ATP1A3: variants seen among roughly 807,000 people sequenced by gnomAD.
The protein encoded by ATP1A3 is ATPase Na+/K+ transporting subunit alpha 3.
Under a neutral mutation model 108.8 loss-of-function variants are expected in ATP1A3, and 12 were observed. The observed-to-expected ratio is 0.11, with a 90% CI of 0.07 to 0.18. The LOEUF (loss-of-function observed/expected upper bound fraction) is 0.18, where lower values mean the gene tolerates loss of function less well. Among genes scored for constraint, ATP1A3 ranks in the 10% least tolerant of loss-of-function variants. The pLI is 1.00. For missense variants in ATP1A3, 498 were observed against 1,387.7 expected (o/e 0.36, Z 10.19); for synonymous variants, 539 against 564.5 (o/e 0.95, Z 0.64).
Position 41,981,406 on chromosome 19 carries a change from T to C in ATP1A3, c.1437+96A>G, listed in dbSNP as rs137871464. On this transcript the variant is annotated intron_variant, in intron 11 of 22. Transcript: ENST00000648268. The surrounding 1 kb of genome is among the most constrained non-coding windows in gnomAD (Gnocchi z 5.0). The stretch of plus-strand genomic sequence containing the variant: ...ACCAGGCGGGTATTATCATTCCCAT[T>C]TTACAGACGGGAAAATCAAGGCTCT... 3.4e-4 allele frequency: 544 copies of C among 1,585,512 alleles called. 5 individuals carry two copies. In the African/African-American group the frequency reaches 6.6e-3, roughly 19 times the overall value.
rs782302598 is a variant in ATP1A3, at chr19:41,978,091, A to G, written c.1807-19T>C. 95 of 1,614,042 alleles carry G rather than the reference A, an allele frequency of 5.9e-5. No homozygotes were observed. Among genetic ancestry groups the G allele is most frequent in the Non-Finnish European group, 7.7e-5 (91 of 1,180,038 alleles). On this transcript the variant is annotated intron_variant, in intron 13 of 22. Transcript: ENST00000648268. This position sits in a 1 kb window ranked among gnomAD's most constrained non-coding sequence, Gnocchi z 8.3. ...TGATGACCTGCAGGCATTGTTTTTTAGGGATGGCCTCTCCCGCCCCACGCC... is the reference window on the plus strand; with the variant it reads ...TGATGACCTGCAGGCATTGTTTTTTGGGGATGGCCTCTCCCGCCCCACGCC...
Position 41,966,789 on chromosome 19 carries a change from G to A in ATP1A3, c.*148C>T, listed in dbSNP as rs1328445620. 37 of 1,526,204 alleles carry A rather than the reference G, an allele frequency of 2.4e-5. No individual in the cohort carries two copies. In the African/African-American group the frequency reaches 3.2e-4, roughly 13 times the overall value. The allele number at this position is 1,526,204 out of a possible 1,614,324, so 94.5% of individuals were successfully genotyped here. A position where few individuals can be genotyped will look rare whatever the true frequency, so the allele number is the denominator to read the frequency against. On this transcript the variant is annotated 3_prime_UTR_variant, in exon 23 of 23. Transcript: ENST00000648268. ...GAGAGAAGCCAGCCAGAGTGGGGGC[G>A]GCAGGAGATAGTGGAGGGGGTGGGG... is the stretch of plus-strand genomic sequence containing the variant.
chr19:41,979,159 C>T (rs1214312805), intron 11 of ATP1A3, among the ~76,000 whole-genome samples: 1 of 151,888 alleles, frequency 6.6e-6, no homozygotes, highest in Non-Finnish European at 1.5e-5. Context: ...ACCACCACCA[C>T]ACCCAGCTAA....
At chr19:41,970,680 G>A in intron 16 of ATP1A3, 138 bp from the exon 17 acceptor site, 2 of 1,047,036 alleles carry the variant, frequency 1.9e-6, no homozygotes, top group Non-Finnish European at 1.3e-6. Context: ...TGCCCAGGCT[G>A]GAGTGCAGTG....
chr19:41,978,728 C>T lies in ATP1A3; in HGVS notation c.1508G>A (p.Arg503His). 5 of 1,614,052 alleles carry T rather than the reference C, an allele frequency of 3.1e-6. No individual in the cohort carries two copies. Among genetic ancestry groups the T allele is most frequent in the South Asian group, 2.2e-5 (2 of 91,086 alleles). Residue 503 changes from arginine to histidine, a missense_variant, in exon 12 of 23, where the codon CGC becomes CAC. This residue lies in a region of ATP1A3 where 92 missense variants were observed against 168.7 expected (regional missense o/e 0.55). Transcript: ENST00000648268. This position sits in a 1 kb window ranked among gnomAD's most constrained non-coding sequence, Gnocchi z 8.3. ...GATGGTGGAGCAGCGGTCCAGGATG[C>T]GCTCGGGGGCACCCTTCATCACCAG... ...YLLVMKGAPE[R>H]ILDRCSTILL...
chr19:41,967,016 A>G lies in ATP1A3; in HGVS notation c.3014-51T>C. The G allele has an allele frequency of 6.4e-7, 1 of 1,551,628 alleles. No individual in the cohort carries two copies. Among genetic ancestry groups the G allele is most frequent in the Middle Eastern group, 1.7e-4 (1 of 5,992 alleles). ...GAGACAGAGTAAGAGATGGAGAGAG[A>G]CAGGCAAGGCGAGCCGCCCAGCAGA... On this transcript the variant is annotated intron_variant, in intron 22 of 22. Coordinates refer to ENST00000648268, the MANE Select transcript of ATP1A3 (RefSeq NM_152296.5). The surrounding 1 kb of genome is among the most constrained non-coding windows in gnomAD (Gnocchi z 4.2).
chr19:41,988,528 T>C lies in ATP1A3; in HGVS notation c.41A>G (p.Asn14Ser), dbSNP rs2075307222. Residue 14 changes from asparagine (N) to serine (S), a missense_variant, in exon 2 of 23, where the codon AAC becomes AGC. By Grantham distance (46) the Asn-to-Ser change is conservative. Around this residue, in one of 9 missense-constraint regions of ATP1A3, gnomAD observed 41 missense variants for 59.7 expected, o/e 0.69. Transcript: ENST00000648268. The surrounding 1 kb of genome is among the most constrained non-coding windows in gnomAD (Gnocchi z 5.3). ...CAGGTCCCGGCGCTCCTTGCCCTTGTTCTTCTTGGGTGAGTCCTTGTCATC... is the reference window on the plus strand; with the variant it reads ...CAGGTCCCGGCGCTCCTTGCCCTTGCTCTTCTTGGGTGAGTCCTTGTCATC... ...KKDDKDSPKK[N>S]KGKERRDLDD... The C allele has an allele frequency of 1.2e-6, 2 of 1,614,054 alleles. No individual in the cohort carries two copies. The highest frequency in any genetic ancestry group is 8.5e-7 in the Non-Finnish European group (1 of 1,180,046).
chr19:41,980,168 A>G (rs1285782565), intron 11 of ATP1A3, among the ~76,000 whole-genome samples: 6 of 152,168 alleles, frequency 3.9e-5, no homozygotes, highest in African/African-American at 1.4e-4. Flanking sequence ...CACCACAACC[A>G]CTACGATTAC....
At position 41,978,344 on chromosome 19, in the gene ATP1A3, T is replaced by A; in HGVS notation, c.1631-18A>T. ...GCAGAAACCTAGTGGCAGGGAAGGG[T>A]TGGGGTGTGAGGGTCCCAGCCTCGG... is the stretch of plus-strand genomic sequence containing the variant. On this transcript the variant is annotated intron_variant, in intron 12 of 22. Coordinates refer to ENST00000648268, the MANE Select transcript of ATP1A3 (RefSeq NM_152296.5). The surrounding 1 kb of genome is among the most constrained non-coding windows in gnomAD (Gnocchi z 8.3). The A allele has an allele frequency of 6.3e-7, 1 of 1,582,740 alleles. No individual in the cohort carries two copies. The highest frequency in any genetic ancestry group is 8.6e-7 in the Non-Finnish European group (1 of 1,164,954).
chr19:41,979,134 C>T (rs1251904968), intron 11 of ATP1A3, among the ~76,000 whole-genome samples: 3 of 151,818 alleles, frequency 2.0e-5, no homozygotes, highest in Admixed American at 6.6e-5. Flanking sequence ...TCCGGAGTAG[C>T]TTGGGATTAC....
chr19:41,983,966 G>C (rs1008199526), intron 8 of ATP1A3, among the ~76,000 whole-genome samples: 1 of 151,404 alleles, frequency 6.6e-6, no homozygotes, highest in East Asian at 1.9e-4. Flanking sequence ...GTAGAGATGG[G>C]GTTTTGCCAT....
chr19:41,988,724 T>A lies in ATP1A3; in HGVS notation c.7-162A>T. 2 of 1,431,178 alleles carry A rather than the reference T, an allele frequency of 1.4e-6. No individual in the cohort carries two copies. The highest frequency in any genetic ancestry group is 1.9e-6 in the Non-Finnish European group (2 of 1,073,096). 88.7% of individuals were successfully genotyped at this position (1,431,178 alleles called of 1,614,324 possible). ...CTGCCTCTCGGGGTCTCCCTGTGTC[T>A]CCCGGAGCCTCTGGGTGACTTCACC... On this transcript the variant is annotated intron_variant, in intron 1 of 22. Coordinates refer to ENST00000648268, the MANE Select transcript of ATP1A3 (RefSeq NM_152296.5). This position sits in a 1 kb window ranked among gnomAD's most constrained non-coding sequence, Gnocchi z 5.3.
In ATP1A3 at chr19:41,981,874, GC is replaced by G. The variant is rs781967456; in HGVS notation, c.1192+33del. The G allele has an allele frequency of 1.2e-6, 2 of 1,614,092 alleles. No homozygotes were observed. Among genetic ancestry groups the G allele is most frequent in the African/African-American group, 2.7e-5 (2 of 74,940 alleles). ...GAGGGCCAGGGACTCCTGGAGCCAG[GC>G]CCCCATGGTCCTCACCCGGGGCCTG... is the stretch of plus-strand genomic sequence containing the variant. On this transcript the variant is annotated intron_variant, in intron 9 of 22. Coordinates refer to ENST00000648268, the MANE Select transcript of ATP1A3 (RefSeq NM_152296.5). The surrounding 1 kb of genome is among the most constrained non-coding windows in gnomAD (Gnocchi z 5.0).
chr19:41,978,260 A>G lies in ATP1A3; in HGVS notation c.1697T>C (p.Val566Ala). The change falls in exon 13 of 23, where the codon GTG becomes GCG. Residue 566 changes from valine (V) to alanine (A), a missense_variant. Physicochemically the swap from Val to Ala is moderately conservative, Grantham distance 64. Around this residue, in one of 9 missense-constraint regions of ATP1A3, gnomAD observed 92 missense variants for 168.7 expected, o/e 0.55. Transcript: ENST00000648268. The surrounding 1 kb of genome is among the most constrained non-coding windows in gnomAD (Gnocchi z 8.3). ...GCAGAGGTTGTCCGTGGTGAAGTTC[A>G]CGTCATCACAGTCGAAGGCAAAGCC... ...PKGFAFDCDD[V>A]NFTTDNLCFV... 6.2e-7 allele frequency: 1 copy of G among 1,613,748 alleles called. No homozygotes were observed. Among genetic ancestry groups the G allele is most frequent in the Non-Finnish European group, 8.5e-7 (1 of 1,179,852 alleles).
chr19:41,986,047 G>C, intron 5 of ATP1A3, 49 bp from the exon 6 acceptor site: 1 of 1,614,102 alleles, frequency 6.2e-7, no homozygotes, highest in Non-Finnish European at 8.5e-7. Context: ...TCTGCCTGGG[G>C]GTCACTGGGC....
chr19:41,967,422 G>A lies in ATP1A3; in HGVS notation c.2922-82C>T. On this transcript the variant is annotated intron_variant, in intron 21 of 22. Coordinates refer to ENST00000648268, the MANE Select transcript of ATP1A3 (RefSeq NM_152296.5). This position sits in a 1 kb window ranked among gnomAD's most constrained non-coding sequence, Gnocchi z 4.2. Reference sequence around the variant, plus strand: ...TCAGGGGACTGGAGGGGACGCAGAGGGGCAGTCTCCCAGGATCCTTCGTGC... The same window carrying A: ...TCAGGGGACTGGAGGGGACGCAGAGAGGCAGTCTCCCAGGATCCTTCGTGC... 1 of 1,474,350 alleles carries A rather than the reference G, an allele frequency of 6.8e-7. No individual in the cohort carries two copies. Among genetic ancestry groups the A allele is most frequent in the Middle Eastern group, 1.8e-4 (1 of 5,482 alleles). 91.3% of individuals were successfully genotyped at this position (1,474,350 alleles called of 1,614,324 possible). A position where few individuals can be genotyped will look rare whatever the true frequency, so the allele number is the denominator to read the frequency against.
chr19:41,967,580 G>A lies in ATP1A3; in HGVS notation c.2921+82C>T, dbSNP rs2075057532. The A allele has an allele frequency of 3.4e-6, 5 of 1,450,344 alleles. No homozygotes were observed. In the East Asian group the frequency reaches 9.4e-5, roughly 27 times the overall value. 89.8% of individuals were successfully genotyped at this position (1,450,344 alleles called of 1,614,324 possible). A position where few individuals can be genotyped will look rare whatever the true frequency, so the allele number is the denominator to read the frequency against. On this transcript the variant is annotated intron_variant, in intron 21 of 22. Transcript: ENST00000648268. This position sits in a 1 kb window ranked among gnomAD's most constrained non-coding sequence, Gnocchi z 4.2. ...CAGTGGGGACACCAGGGGAGGTGGG[G>A]CCTGAGGTTCAGGCTGAGTCTAAGG...
At position 41,976,680 on chromosome 19, in the gene ATP1A3, G is replaced by A. The variant is rs1355876694; in HGVS notation, c.1944-114C>T. ...AGCCCCACAACCAGGAGAGCCAGAGGACCAGGGGCTGGGGGAAGAGGCCTC... is the reference window on the plus strand; with the variant it reads ...AGCCCCACAACCAGGAGAGCCAGAGAACCAGGGGCTGGGGGAAGAGGCCTC... On this transcript the variant is annotated intron_variant, in intron 14 of 22. Transcript: ENST00000648268. The A allele has an allele frequency of 3.4e-6, 5 of 1,476,238 alleles. No individual in the cohort carries two copies. The East Asian group carries it at 9.5e-5, about 28-fold the overall frequency. 91.4% of individuals were successfully genotyped at this position (1,476,238 alleles called of 1,614,324 possible).
At position 41,984,948 on chromosome 19, in the gene ATP1A3, A is replaced by G; in HGVS notation, c.963T>C (p.Asn321=). The G allele has an allele frequency of 1.9e-6, 3 of 1,613,770 alleles. No homozygotes were observed. The highest frequency in any genetic ancestry group is 2.5e-6 in the Non-Finnish European group (3 of 1,179,884). ...CAGTGGCCAGCAGACCCTCTGGGAC[A>G]TTGGCCACGATGATGCCGATGAGGA... is the stretch of plus-strand genomic sequence containing the variant. ...VIFLIGIIVA[N]VPEGLLATVT... is the part of the protein sequence containing the mutation. The change falls in exon 8 of 23, where the codon AAT becomes AAC. Residue 321 remains asparagine, a synonymous_variant. Transcript: ENST00000648268.
Sources: gnomAD v4.1 joint callset for allele counts (sites outside exome capture counted in the v4.1 genomes callset) on GRCh38, gnomAD v4.1.1 for gene constraint, gnomAD v4.1.1 regional missense constraint, Gnocchi (gnomAD v3.1) non-coding constraint, MANE v1.5 for transcripts, NCBI Gene and HGNC (gene_info 2026-07-23, HGNC 2026-07-21) for gene names.